Variants in CYGB observed in about 807,000 individuals in gnomAD.
CYGB encodes the protein cytoglobin, also known as histoglobin.
Under a neutral mutation model 20.7 loss-of-function variants are expected in CYGB, and 13 were observed. The ratio of observed to expected loss-of-function variants is 0.63; its 90% CI spans 0.41 to 1.00. CYGB has a LOEUF of 1.00. Ranked by LOEUF, CYGB falls within the 50% of genes least tolerant of loss-of-function variation. The pLI, the probability that CYGB is intolerant of heterozygous loss-of-function variation, is 0.00. For synonymous variants in CYGB, 93 were observed against 107.4 expected, an observed-to-expected ratio of 0.87 and a Z score of 0.83; for missense variants, 218 against 257.2, an observed-to-expected ratio of 0.85 and a Z score of 1.04.
intron 1 of CYGB, among the ~76,000 whole-genome samples, chr17:76,532,960 C>G (rs978251036): frequency 2.0e-5 from 3 of 152,232 alleles, no homozygotes; most frequent in Non-Finnish European, 2.9e-5. Context: ...GTGGCCTGGA[C>G]CTGTTCTTCC....
chr17:76,541,061 C>T (rs917653376), upstream of CYGB, among the ~76,000 whole-genome samples: 1 of 152,164 alleles, frequency 6.6e-6, no homozygotes, highest in Non-Finnish European at 1.5e-5. Flanking sequence ...CTGGGCAGAC[C>T]CTGCGGGCAG....
chr17:76,547,942 TCACACACATATA>T (rs1294887674), intron 1 of CYGB, among the ~76,000 whole-genome samples: 60 of 146,368 alleles, frequency 4.1e-4, no homozygotes, highest in South Asian at 1.1e-3. Context: ...ACAAACATAT[TCACACACATATA>T]CACACACATA....
At chr17:76,529,005 C>T (rs923771473) in intron 3 of CYGB, 10 of 999,276 alleles carry the variant, frequency 1.0e-5, no homozygotes, top group Admixed American at 6.0e-5. Context: ...TCTGTATTCT[C>T]GTATTCTCGG....
chr17:76,540,250 T>TGGGGG, upstream of CYGB: 9 of 463,652 alleles, frequency 1.9e-5, 3 homozygotes, highest in South Asian at 6.6e-5. This position sits in a 1 kb window ranked among gnomAD's most constrained non-coding sequence, Gnocchi z 5.0. Context: ...TGGCGGTTGG[T>TGGGGG]CGGGGGGGGG....
chr17:76,532,110 T>C (rs1567907028), intron 1 of CYGB: 3 of 167,512 alleles, frequency 1.8e-5, no homozygotes, highest in Non-Finnish European at 3.9e-5. Context: ...AAATACTGCT[T>C]TCATGAAGTC....
Position 76,530,948 on chromosome 17 carries a change from C to G in CYGB, c.539+31G>C, listed in dbSNP as rs2074830260. On this transcript the variant is annotated intron_variant, in intron 3 of 3. Transcript: ENST00000293230. The surrounding 1 kb of genome is among the most constrained non-coding windows in gnomAD (Gnocchi z 6.1). ...GACAGCAGAGGACATGGCGGGGAGG[C>G]TGCCCAGCCCACCCTCGCCCGCCTC... 6.5e-7 allele frequency: 1 copy of G among 1,533,942 alleles called. No individual in the cohort carries two copies. The highest frequency in any genetic ancestry group is 1.2e-5 in the South Asian group (1 of 81,942).
At chr17:76,529,950 G>A in intron 3 of CYGB, 1 of 985,310 alleles carries the variant, frequency 1.0e-6, no homozygotes, top group Non-Finnish European at 1.2e-6. Context: ...GGGCCAGTGT[G>A]GTCAGCAGCA....
chr17:76,537,947 T>C (rs985171683), upstream of CYGB: 4 of 147,424 alleles, frequency 2.7e-5, no homozygotes, highest in Admixed American at 2.7e-4. Context: ...GGGGCTCGGG[T>C]AGGTGTGGCC....
Position 76,527,664 on chromosome 17 carries a change from A to G in CYGB, c.*914T>C. On this transcript the variant is annotated 3_prime_UTR_variant, in exon 4 of 4. Coordinates refer to ENST00000293230, the MANE Select transcript of CYGB (RefSeq NM_134268.5). Reference sequence around the variant, plus strand: ...GCCCTCGGAGCTGAGGGTGAGACCCAGGCATGTGGTCCCGCCGACCTGCTG... The same window carrying G: ...GCCCTCGGAGCTGAGGGTGAGACCCGGGCATGTGGTCCCGCCGACCTGCTG... 1 of 453,908 alleles carries G rather than the reference A, an allele frequency of 2.2e-6. No homozygotes were observed. Among genetic ancestry groups the G allele is most frequent in the South Asian group, 1.6e-5 (1 of 64,470 alleles). 28.1% of individuals were successfully genotyped at this position (453,908 alleles called of 1,614,324 possible).
chr17:76,537,357 C>G (rs1014376974), intron 1 of CYGB, 43 bp downstream of exon 1: 12 of 1,544,276 alleles, frequency 7.8e-6, no homozygotes, highest in Non-Finnish European at 1.0e-5. Flanking sequence ...GAGCCGCTGC[C>G]GCCCTCCCTG....
intron 1 of CYGB, among the ~76,000 whole-genome samples, chr17:76,537,075 ATG>A (rs1239885711): frequency 2.6e-5 from 4 of 152,238 alleles, no homozygotes; most frequent in South Asian, 2.1e-4. Context: ...GGCCAGAAAA[ATG>A]TGTGTGTCTG....
chr17:76,539,895 G>A (rs1017190552), upstream of CYGB: 87 of 586,328 alleles, frequency 1.5e-4, no homozygotes, highest in Middle Eastern at 8.9e-4. Context: ...CTCCGAATAC[G>A]TGCTCAATGC....
intron 3 of CYGB, chr17:76,529,531 T>A (rs1021725587): frequency 1.0e-6 from 1 of 985,448 alleles, no homozygotes; most frequent in East Asian, 1.1e-4. Context: ...CAGCCAGCTC[T>A]CTTTCCAGTC....
upstream of CYGB, chr17:76,538,262 G>A (rs1384307299): frequency 1.0e-5 from 2 of 190,530 alleles, no homozygotes; most frequent in Admixed American, 1.3e-4. Context: ...CCGCGCCCCC[G>A]AGCCAGCCGC....
intron 3 of CYGB, chr17:76,529,444 G>A: frequency 1.0e-6 from 1 of 985,476 alleles, no homozygotes; most frequent in Non-Finnish European, 1.2e-6. Context: ...AGTCCCTAGG[G>A]CAGGGTGGGG....
intron 1 of CYGB, among the ~76,000 whole-genome samples, chr17:76,532,254 G>C (rs747128240): frequency 2.0e-5 from 3 of 152,092 alleles, no homozygotes; most frequent in Non-Finnish European, 4.4e-5. Flanking sequence ...CACTATACTC[G>C]CATCATCCCT....
rs78826089 is a variant in CYGB at position 76,531,273 on chromosome 17, C to T, written c.376-131G>A. The T allele has an allele frequency of 3.4e-4, 416 of 1,235,952 alleles. No individual in the cohort carries two copies. In the African/African-American group the frequency reaches 5.3e-3, roughly 16 times the overall value. 76.6% of individuals were successfully genotyped at this position (1,235,952 alleles called of 1,614,324 possible). On this transcript the variant is annotated intron_variant, in intron 2 of 3. Transcript: ENST00000293230. This position sits in a 1 kb window ranked among gnomAD's most constrained non-coding sequence, Gnocchi z 7.4. ...AACAGTCTGGCAGCTTTGGGAACCC[C>T]GTGCTCTCAGGACAAGGGTTGCCCT... is the stretch of plus-strand genomic sequence containing the variant.
In CYGB at chr17:76,530,592, A is replaced by G. The variant is rs1474066960; in HGVS notation, c.539+387T>C. Reference sequence around the variant, plus strand: ...GAAAAAACAGCCCCTTGTGATTGGCACCCAGGGAGGAAGTGGCTGGGCTGA... The same window carrying G: ...GAAAAAACAGCCCCTTGTGATTGGCGCCCAGGGAGGAAGTGGCTGGGCTGA... On this transcript the variant is annotated intron_variant, in intron 3 of 3. Transcript: ENST00000293230. This position sits in a 1 kb window ranked among gnomAD's most constrained non-coding sequence, Gnocchi z 6.1. Among the ~76,000 whole-genome samples the G allele has an allele frequency of 6.6e-6, 1 of 151,922 alleles. No homozygotes were observed. Among genetic ancestry groups the G allele is most frequent in the Non-Finnish European group, 1.5e-5 (1 of 67,932 alleles).
chr17:76,531,189 G>C lies in CYGB; in HGVS notation c.376-47C>G. On this transcript the variant is annotated intron_variant, in intron 2 of 3. Coordinates refer to ENST00000293230, the MANE Select transcript of CYGB (RefSeq NM_134268.5). The surrounding 1 kb of genome is among the most constrained non-coding windows in gnomAD (Gnocchi z 7.4). ...GGGAGTGAACGCCCGGGCGCCCTGC[G>C]TCCTGCAACCCCCAGGCCCCTCCGC... 1.9e-6 allele frequency: 3 copies of C among 1,578,834 alleles called. No individual in the cohort carries two copies. The highest frequency in any genetic ancestry group is 2.6e-6 in the Non-Finnish European group (3 of 1,156,038).
Sources: allele counts gnomAD v4.1 joint callset (sites outside exome capture counted in the v4.1 genomes callset), GRCh38; gene constraint gnomAD v4.1.1; non-coding constraint Gnocchi (gnomAD v3.1); transcripts MANE v1.5; gene names NCBI Gene and HGNC (gene_info 2026-07-23, HGNC 2026-07-21).